MINDY2: variants seen among roughly 807,000 people sequenced by gnomAD.
MINDY2 encodes ubiquitin carboxyl-terminal hydrolase MINDY-2.
MINDY2 carries 52 observed loss-of-function variants against 68.2 expected under a neutral mutation model. That is an observed-to-expected ratio of 0.76 (90% CI 0.61 to 0.96). The LOEUF is 0.96. Among genes scored for constraint, MINDY2 ranks in the 40% least tolerant of loss-of-function variants. The pLI, the probability that MINDY2 is intolerant of heterozygous loss-of-function variation, is 0.00. For missense variants in MINDY2, 881 were observed against 773.4 expected, an observed-to-expected ratio of 1.14 and a Z score of -1.65; for synonymous variants, 372 against 303.0, an observed-to-expected ratio of 1.23 and a Z score of -2.36.
At chr15:58,834,659 T>C (rs1179024914) in intron 6 of MINDY2, among the ~76,000 whole-genome samples, 3 of 152,246 alleles carry the variant, frequency 2.0e-5, no homozygotes, top group Non-Finnish European at 4.4e-5. Flanking sequence ...TAGCCCTTAT[T>C]GGTTAATACC....
chr15:58,775,133 G>A (rs761597359), intron 1 of MINDY2, among the ~76,000 whole-genome samples: 26 of 152,170 alleles, frequency 1.7e-4, no homozygotes, highest in African/African-American at 5.1e-4. Flanking sequence ...ACAAGTGTCC[G>A]TGGAGTTTTT....
rs533766782 is a variant in MINDY2, at chr15:58,772,032, G to C, written c.637G>C (p.Gly213Arg). ...EEEEGAAVLP[G>R]AVPLCKEEEG... ...GGAGGAGGGCGCGGCGGTGTTGCCC[G>C]GGGCTGTTCCTCTGTGCAAGGAGGA... is the stretch of plus-strand genomic sequence containing the variant. The change falls in exon 1 of 9, where the codon GGG becomes CGG. Residue 213 changes from glycine (G) to arginine (R), a missense_variant. By Grantham distance (125) the Gly-to-Arg change is moderately radical. Transcript: ENST00000559228. 17 of 1,602,936 alleles carry C rather than the reference G, an allele frequency of 1.1e-5. No individual in the cohort carries two copies. In the South Asian group the frequency reaches 1.7e-4, roughly 16 times the overall value.
At chr15:58,829,831 A>G (rs185529602) in intron 5 of MINDY2, among the ~76,000 whole-genome samples, 62 of 152,296 alleles carry the variant, frequency 4.1e-4, no homozygotes, top group Non-Finnish European at 6.2e-4. Context: ...AGTTTTTACA[A>G]CCACTTTGTA....
chr15:58,812,309 C>T (rs1031793989), intron 4 of MINDY2, among the ~76,000 whole-genome samples: 5 of 151,726 alleles, frequency 3.3e-5, no homozygotes, highest in African/African-American at 9.7e-5. Context: ...CAGTGGCAGG[C>T]GCCTGTAATC....
rs745708557 is a variant in MINDY2, at chr15:58,772,159, C to A, written c.764C>A (p.Thr255Lys). Reference protein sequence around the residue: ...IKWIQWKEENTPIITQNENGP... With the variant: ...IKWIQWKEENKPIITQNENGP... ...TGGATCCAGTGGAAGGAAGAGAACACACCCATCATCACCCAGAATGAGAAC... is the reference window on the plus strand; with the variant it reads ...TGGATCCAGTGGAAGGAAGAGAACAAACCCATCATCACCCAGAATGAGAAC... Residue 255 changes from threonine (T) to lysine (K), a missense_variant, in exon 1 of 9, where the codon ACA becomes AAA. Transcript: ENST00000559228. 1 of 1,614,058 alleles carries A rather than the reference C, an allele frequency of 6.2e-7. No homozygotes were observed. Among genetic ancestry groups the A allele is most frequent in the Non-Finnish European group, 8.5e-7 (1 of 1,180,034 alleles).
chr15:58,785,155 A>G (rs1221884492), intron 1 of MINDY2, among the ~76,000 whole-genome samples: 1 of 140,730 alleles, frequency 7.1e-6, no homozygotes, highest in Non-Finnish European at 1.5e-5. Flanking sequence ...AAAAAAAAAA[A>G]AAAGAAAAGC....
rs565786025 is a variant in MINDY2, at chr15:58,831,041, G to GTGTGTATATATATATATATATATATA, written c.1226-732_1226-731insGTGTATATATATATATATATATATAT. 1.6e-3 allele frequency among the ~76,000 whole-genome samples: 198 copies of GTGTGTATATATATATATATATATATA among 124,832 alleles called. 1 individual carries two copies. The highest frequency in any genetic ancestry group is 6.1e-3 in the African/African-American group (178 of 29,124). 81.9% of individuals were successfully genotyped at this position (124,832 alleles called of 152,430 possible). A position where few individuals can be genotyped will look rare whatever the true frequency, so the allele number is the denominator to read the frequency against. ...TGTGTGTGTGTGTGTGTGTGTGTGT[G>GTGTGTATATATATATATATATATATA]TATATATATATATATATATGTTTTA... On this transcript the variant is annotated intron_variant, in intron 5 of 8. Coordinates refer to ENST00000559228, the MANE Select transcript of MINDY2 (RefSeq NM_001040450.3).
chr15:58,817,447 TG>T (rs34660898), intron 4 of MINDY2, among the ~76,000 whole-genome samples: 1 of 152,184 alleles, frequency 6.6e-6, no homozygotes, highest in Non-Finnish European at 1.5e-5. Flanking sequence ...GGTATTACGT[TG>T]GGCGCAGTGG....
intron 5 of MINDY2, among the ~76,000 whole-genome samples, chr15:58,826,449 G>A (rs1484444330): frequency 2.6e-5 from 4 of 151,822 alleles, no homozygotes; most frequent in African/African-American, 9.7e-5. Context: ...AGCTGGTCTC[G>A]AACTCCCAAC....
chr15:58,849,209 CAA>C (rs758280065), intron 7 of MINDY2, among the ~76,000 whole-genome samples: 1 of 125,000 alleles, frequency 8.0e-6, no homozygotes, highest in Non-Finnish European at 1.7e-5. Flanking sequence ...GAGTCTGTCT[CAA>C]AAAAAAAAAG....
Position 58,861,268 on chromosome 15 carries a change from C to T in MINDY2, c.*6658C>T, listed in dbSNP as rs2033210982. 1 of 152,148 alleles carries T rather than the reference C, an allele frequency of 6.6e-6. No individual in the cohort carries two copies. The highest frequency in any genetic ancestry group is 2.4e-5 in the African/African-American group (1 of 41,438). 9.4% of individuals were successfully genotyped at this position (152,148 alleles called of 1,614,324 possible). A position where few individuals can be genotyped will look rare whatever the true frequency, so the allele number is the denominator to read the frequency against. On this transcript the variant is annotated 3_prime_UTR_variant, in exon 9 of 9. Transcript: ENST00000559228. The stretch of plus-strand genomic sequence containing the variant: ...CACTTTATTGTTGGACTAATTGGGT[C>T]AATTTGCTGTGACATATCAAAGATC...
intron 4 of MINDY2, among the ~76,000 whole-genome samples, chr15:58,813,123 C>G (rs1227201439): frequency 1.3e-5 from 2 of 152,190 alleles, no homozygotes. Context: ...TTGCATCTAT[C>G]AGTAGTTTGC....
rs560696862 is a variant in MINDY2, at chr15:58,833,310, C to A, written c.1368+1394C>A. Among the ~76,000 whole-genome samples the A allele has an allele frequency of 3.9e-4, 60 of 152,254 alleles. 1 individual carries two copies. Among genetic ancestry groups the A allele is most frequent in the African/African-American group, 1.4e-3 (58 of 41,534 alleles). On this transcript the variant is annotated intron_variant, in intron 6 of 8. Coordinates refer to ENST00000559228, the MANE Select transcript of MINDY2 (RefSeq NM_001040450.3). Reference sequence around the variant, plus strand: ...CTCTCCATCCCATACACACACTATACCTTCTAATTTCTGCACTTTACTGCC... The same window carrying A: ...CTCTCCATCCCATACACACACTATAACTTCTAATTTCTGCACTTTACTGCC...
intron 4 of MINDY2, among the ~76,000 whole-genome samples, chr15:58,812,637 AC>A (rs1940498309): frequency 6.6e-6 from 1 of 152,170 alleles, no homozygotes; most frequent in Non-Finnish European, 1.5e-5. Context: ...AGGCAAGAGG[AC>A]CACTTGGGCC....
chr15:58,795,223 A>G (rs537515630), intron 2 of MINDY2, among the ~76,000 whole-genome samples: 14 of 152,126 alleles, frequency 9.2e-5, no homozygotes, highest in African/African-American at 2.9e-4. Context: ...TGATAAGATA[A>G]TAGAGAAAAG....
Position 58,857,662 on chromosome 15 carries a change from T to G in MINDY2, c.*3052T>G, listed in dbSNP as rs1043025230. 1 of 152,216 alleles carries G rather than the reference T, an allele frequency of 6.6e-6. No individual in the cohort carries two copies. The highest frequency in any genetic ancestry group is 1.5e-5 in the Non-Finnish European group (1 of 68,032). 9.4% of individuals were successfully genotyped at this position (152,216 alleles called of 1,614,324 possible). A position where few individuals can be genotyped will look rare whatever the true frequency, so the allele number is the denominator to read the frequency against. ...ACATAGGATTTTGAAAGTGGTATAT[T>G]AAAGTCTTTCCTTCCAAGTATTTTG... On this transcript the variant is annotated 3_prime_UTR_variant, in exon 9 of 9. Coordinates refer to ENST00000559228, the MANE Select transcript of MINDY2 (RefSeq NM_001040450.3).
chr15:58,773,166 G>A (rs952104224), intron 1 of MINDY2, among the ~76,000 whole-genome samples: 2 of 152,112 alleles, frequency 1.3e-5, no homozygotes, highest in Admixed American at 1.3e-4. Flanking sequence ...GGGTGTGGTG[G>A]TGTGCGCCTG....
chr15:58,836,759 C>T (rs2032015605), intron 6 of MINDY2, among the ~76,000 whole-genome samples: 1 of 152,066 alleles, frequency 6.6e-6, no homozygotes, highest in African/African-American at 2.4e-5. Context: ...ACTGGGACTA[C>T]AGGTGTACAC....
chr15:58,807,272 C>A lies in MINDY2; in HGVS notation c.964-2958C>A, dbSNP rs1220326514. On this transcript the variant is annotated intron_variant, in intron 3 of 8. Transcript: ENST00000559228. ...TGTTAAATTTTATGTATTGGTTTTT[C>A]TTTATTCTTTCAAATGTATTCTCTA... 2.0e-5 allele frequency among the ~76,000 whole-genome samples: 3 copies of A among 149,148 alleles called. No individual in the cohort carries two copies. In the South Asian group the frequency reaches 6.3e-4, roughly 32 times the overall value.
Sources: gnomAD v4.1 joint callset for allele counts (sites outside exome capture counted in the v4.1 genomes callset) on GRCh38, gnomAD v4.1.1 for gene constraint, MANE v1.5 for transcripts, NCBI Gene and HGNC (gene_info 2026-07-23, HGNC 2026-07-21) for gene names.